Variants in GPC5 observed in about 807,000 individuals in gnomAD.
GPC5 encodes the protein glypican 5.
GPC5 carries 47 observed loss-of-function variants against 53.9 expected under a neutral mutation model. That is an observed-to-expected ratio of 0.87 (90% CI 0.69 to 1.11). GPC5 has a LOEUF of 1.11. GPC5 is among the 50% of genes most tolerant of loss of function. The pLI, the probability that GPC5 is intolerant of heterozygous loss-of-function variation, is 0.00. For missense variants in GPC5, 748 were observed against 713.1 expected (o/e 1.05, Z -0.56); for synonymous variants, 286 against 263.3 (o/e 1.09, Z -0.84).
chr13:91,803,885 A>G (rs907395304), intron 5 of GPC5, among the ~76,000 whole-genome samples: 7 of 152,126 alleles, frequency 4.6e-5, no homozygotes, highest in Non-Finnish European at 1.0e-4. Flanking sequence ...AAAGAAATGC[A>G]GAGATAGAAA....
intron 7 of GPC5, among the ~76,000 whole-genome samples, chr13:92,446,077 T>A (rs1385484414): frequency 6.6e-6 from 1 of 152,182 alleles, no homozygotes; most frequent in Non-Finnish European, 1.5e-5. Context: ...CCTCAAGCAT[T>A]TATCTTTTGT....
At chr13:92,083,710 G>T (rs568491183) in intron 6 of GPC5, among the ~76,000 whole-genome samples, 1 of 152,266 alleles carries the variant, frequency 6.6e-6, no homozygotes, top group African/African-American at 2.4e-5. Flanking sequence ...TAATGGGATT[G>T]CTGGGCCAAA....
At chr13:91,561,830 A>G (rs2031278325) in intron 2 of GPC5, among the ~76,000 whole-genome samples, 1 of 152,152 alleles carries the variant, frequency 6.6e-6, no homozygotes, top group Non-Finnish European at 1.5e-5. Flanking sequence ...TAATATTTTT[A>G]CTGAGAAAAA....
At chr13:92,619,613 C>A (rs1884805720) in intron 7 of GPC5, among the ~76,000 whole-genome samples, 1 of 151,638 alleles carries the variant, frequency 6.6e-6, no homozygotes, top group African/African-American at 2.4e-5. Flanking sequence ...TTATAAAATT[C>A]TAAAATGAAA....
intron 5 of GPC5, among the ~76,000 whole-genome samples, chr13:91,830,868 A>AAT (rs377274607): frequency 8.0e-6 from 1 of 125,026 alleles, no homozygotes; most frequent in Non-Finnish European, 1.7e-5. Context: ...TATTATATAT[A>AAT]ATATATATCC....
chr13:91,705,694 C>T (rs9589340), intron 3 of GPC5, among the ~76,000 whole-genome samples: 36 of 87,112 alleles, frequency 4.1e-4, no homozygotes, highest in African/African-American at 2.2e-3. Context: ...TCTAAAAACA[C>T]CCCCCCCCCC....
intron 7 of GPC5, among the ~76,000 whole-genome samples, chr13:92,338,451 T>C (rs746992105): frequency 1.3e-5 from 2 of 152,060 alleles, no homozygotes; most frequent in Non-Finnish European, 2.9e-5. Context: ...AACTGGCACA[T>C]GGATATTTAC....
At chr13:92,800,949 A>G (rs1016445182) in intron 7 of GPC5, among the ~76,000 whole-genome samples, 4 of 151,788 alleles carry the variant, frequency 2.6e-5, no homozygotes, top group Admixed American at 1.3e-4. Context: ...CAGATATTAC[A>G]AACAAGAATA....
At chr13:92,362,313 G>T (rs1263070039) in intron 7 of GPC5, among the ~76,000 whole-genome samples, 1 of 151,676 alleles carries the variant, frequency 6.6e-6, no homozygotes, top group Non-Finnish European at 1.5e-5. Context: ...AGTGGGTATT[G>T]TTATTATACT....
chr13:91,469,071 T>C (rs1465633571), intron 2 of GPC5, among the ~76,000 whole-genome samples: 1 of 151,506 alleles, frequency 6.6e-6, no homozygotes, highest in Non-Finnish European at 1.5e-5. Flanking sequence ...TTGTCTCTTG[T>C]CTCTTCTCTC....
intron 5 of GPC5, among the ~76,000 whole-genome samples, chr13:91,887,311 A>G (rs921586719): frequency 5.3e-5 from 8 of 152,136 alleles, no homozygotes; most frequent in African/African-American, 1.9e-4. Flanking sequence ...TCTAGGCTGC[A>G]CACAGCAGGG....
At chr13:92,847,355 G>C (rs1878645830) in intron 7 of GPC5, among the ~76,000 whole-genome samples, 1 of 152,142 alleles carries the variant, frequency 6.6e-6, no homozygotes, top group African/African-American at 2.4e-5. Flanking sequence ...GTTTGGATTT[G>C]TGTCCTCGCC....
intron 7 of GPC5, among the ~76,000 whole-genome samples, chr13:92,671,932 C>T (rs1302367383): frequency 6.6e-6 from 1 of 152,132 alleles, no homozygotes; most frequent in Non-Finnish European, 1.5e-5. Context: ...TTGACATTAT[C>T]TTAAAGTGTT....
intron 5 of GPC5, among the ~76,000 whole-genome samples, chr13:91,866,393 C>T (rs1264829755): frequency 6.6e-6 from 1 of 152,126 alleles, no homozygotes; most frequent in Non-Finnish European, 1.5e-5. Flanking sequence ...TGGAGGTGGG[C>T]TTAGTAAAAG....
intron 7 of GPC5, among the ~76,000 whole-genome samples, chr13:92,443,095 A>C (rs1394265938): frequency 6.6e-6 from 1 of 152,170 alleles, no homozygotes; most frequent in African/African-American, 2.4e-5. Flanking sequence ...TGAGGCCTCA[A>C]GAAGCTTATA....
At chr13:92,583,355 A>G (rs79906855) in intron 7 of GPC5, among the ~76,000 whole-genome samples, 4,213 of 152,350 alleles carry the variant, frequency 0.028, 196 homozygotes, top group African/African-American at 0.096. Flanking sequence ...TATGAAAATT[A>G]TCTTGCTATT....
At chr13:92,637,395 T>G (rs1444323667) in intron 7 of GPC5, among the ~76,000 whole-genome samples, 1 of 152,094 alleles carries the variant, frequency 6.6e-6, no homozygotes, top group Non-Finnish European at 1.5e-5. Flanking sequence ...AACACAAGTA[T>G]GTGAGGAAAC....
chr13:92,831,461 C>G (rs1878041759), intron 7 of GPC5, among the ~76,000 whole-genome samples: 1 of 152,144 alleles, frequency 6.6e-6, no homozygotes, highest in Admixed American at 6.5e-5. Context: ...GAATCCTCCT[C>G]TTACACATCT....
At chr13:92,121,471 A>C (rs778094281) in intron 6 of GPC5, among the ~76,000 whole-genome samples, 20 of 152,226 alleles carry the variant, frequency 1.3e-4, no homozygotes, top group Non-Finnish European at 2.4e-4. Context: ...GCTGTTCTCA[A>C]GAATACTTAG....
Sources: allele counts gnomAD v4.1 joint callset (sites outside exome capture counted in the v4.1 genomes callset), GRCh38; gene constraint gnomAD v4.1.1; transcripts MANE v1.5; gene names NCBI Gene and HGNC (gene_info 2026-07-23, HGNC 2026-07-21).